UVSSA: variants seen among roughly 807,000 people sequenced by gnomAD.
UVSSA encodes the protein UV-stimulated scaffold protein A.
In UVSSA, 72 loss-of-function variants were observed where a neutral mutation model predicts 73.9. The ratio of observed to expected loss-of-function variants is 0.97; its 90% CI spans 0.81 to 1.19. UVSSA has a LOEUF of 1.19. Among genes scored for constraint, UVSSA ranks in the 50% most tolerant of loss-of-function variants. The pLI, the probability that UVSSA is intolerant of heterozygous loss-of-function variation, is 0.00. For synonymous variants in UVSSA, 454 were observed against 391.3 expected, an observed-to-expected ratio of 1.16 and a Z score of -1.89; for missense variants, 1,150 against 965.0, an observed-to-expected ratio of 1.19 and a Z score of -2.54.
At chr4:1,378,221 G>A (rs535448230) in intron 10 of UVSSA, among the ~76,000 whole-genome samples, 1 of 152,286 alleles carries the variant, frequency 6.6e-6, no homozygotes, top group East Asian at 1.9e-4. Flanking sequence ...GCGGCCACAG[G>A]CAACCACTAG....
intron 10 of UVSSA, among the ~76,000 whole-genome samples, chr4:1,379,565 C>T (rs973053720): frequency 2.6e-5 from 4 of 152,204 alleles, no homozygotes; most frequent in East Asian, 1.9e-4. Context: ...AAGGGCTGAA[C>T]GGCCTTCACT....
chr4:1,352,535 C>G lies in UVSSA; in HGVS notation c.551-495C>G, dbSNP rs560397907. 1.1e-4 allele frequency among the ~76,000 whole-genome samples: 17 copies of G among 152,342 alleles called. 1 individual carries two copies. Among genetic ancestry groups the G allele is most frequent in the African/African-American group, 3.6e-4 (15 of 41,584 alleles). ...TGTTGCCCTAGGGAAGAGGTGCAGCCGTGTCCTGGGAAGTGCAGGTGGGCT... is the reference window on the plus strand; with the variant it reads ...TGTTGCCCTAGGGAAGAGGTGCAGCGGTGTCCTGGGAAGTGCAGGTGGGCT... On this transcript the variant is annotated intron_variant, in intron 4 of 13. Coordinates refer to ENST00000389851, the MANE Select transcript of UVSSA (RefSeq NM_020894.4).
chr4:1,384,003 G>A (rs1013193752), intron 13 of UVSSA, 63 bp downstream of exon 13: 3 of 1,512,440 alleles, frequency 2.0e-6, no homozygotes, highest in Non-Finnish European at 2.6e-6. Context: ...TGTTCGAGGG[G>A]GGCCATCTGA....
At chr4:1,345,527 C>T (rs1713595988), upstream of UVSSA, among the ~76,000 whole-genome samples, 1 of 151,850 alleles carries the variant, frequency 6.6e-6, no homozygotes, top group Non-Finnish European at 1.5e-5. Context: ...TGACTGTCAT[C>T]CCAGCTACTC....
intron 3 of UVSSA, among the ~76,000 whole-genome samples, chr4:1,351,323 C>A (rs1218601755): frequency 2.0e-5 from 3 of 151,836 alleles, no homozygotes; most frequent in African/African-American, 7.3e-5. Flanking sequence ...TTCGGCCTCC[C>A]AAAGTGCTGG....
chr4:1,362,545 A>C (rs1198369971), intron 7 of UVSSA, among the ~76,000 whole-genome samples: 1 of 152,176 alleles, frequency 6.6e-6, no homozygotes, highest in Admixed American at 6.5e-5. Context: ...TTTTGTAGAC[A>C]TCTCCAGCCC....
Position 1,385,892 on chromosome 4 carries a change from A to G in UVSSA, c.2061A>G (p.Ala687=). 6.2e-7 allele frequency: 1 copy of G among 1,614,104 alleles called. No individual in the cohort carries two copies. The highest frequency in any genetic ancestry group is 8.5e-7 in the Non-Finnish European group (1 of 1,180,036). The part of the protein sequence containing the change: ...FAKAAVRRVV[A]AMNRMDQKKH... ...GGGCAGCTGTGCGGAGGGTAGTGGC[A>G]GCCATGAACCGGATGGACCAGAAGA... The change falls in exon 14 of 14, where the codon GCA becomes GCG. Residue 687 remains alanine, a synonymous_variant. Transcript: ENST00000389851.
downstream of UVSSA, chr4:1,392,331 A>G (rs1006121844): frequency 1.3e-5 from 2 of 152,238 alleles, no homozygotes; most frequent in Non-Finnish European, 2.9e-5. Context: ...AGAAGAAGAA[A>G]AGATGTACAA....
At position 1,348,116 on chromosome 4, in the gene UVSSA, G is replaced by A. The variant is rs747777373; in HGVS notation, c.25G>A (p.Val9Ile). Reference sequence around the variant, plus strand: ...TATGGATCAGAAACTTTCGAAGTTGGTAGAAGAGCTCACAACTTCAGGAGA... The same window carrying A: ...TATGGATCAGAAACTTTCGAAGTTGATAGAAGAGCTCACAACTTCAGGAGA... Reference protein sequence around the residue: MDQKLSKLVEELTTSGEPR... With the variant: MDQKLSKLIEELTTSGEPR... Residue 9 changes from valine (V) to isoleucine (I), a missense_variant, in exon 2 of 14, where the codon GTA becomes ATA. Transcript: ENST00000389851. 19 of 1,613,710 alleles carry A rather than the reference G, an allele frequency of 1.2e-5. No homozygotes were observed. The highest frequency in any genetic ancestry group is 1.6e-5 in the Non-Finnish European group (19 of 1,179,932).
At chr4:1,361,709 T>C (rs1716661073) in intron 7 of UVSSA, among the ~76,000 whole-genome samples, 1 of 152,236 alleles carries the variant, frequency 6.6e-6, no homozygotes, top group Non-Finnish European at 1.5e-5. Flanking sequence ...AGCATATAAA[T>C]AGCAGATGCA....
At chr4:1,391,039 G>A (rs1394921373), downstream of UVSSA, 2 of 151,976 alleles carry the variant, frequency 1.3e-5, no homozygotes, top group African/African-American at 4.9e-5. Flanking sequence ...GTCAGAGGTT[G>A]GTTTGTAGTG....
intron 8 of UVSSA, among the ~76,000 whole-genome samples, chr4:1,371,158 G>A (rs1553882949): frequency 6.6e-5 from 10 of 152,186 alleles, no homozygotes; most frequent in South Asian, 2.1e-4. Context: ...GTGTGTGGAC[G>A]TGTATGTGTG....
chr4:1,366,339 C>T lies in UVSSA; in HGVS notation c.1196C>T (p.Ala399Val), dbSNP rs760458944. 2.9e-5 allele frequency: 46 copies of T among 1,611,406 alleles called. 1 individual carries two copies. The highest frequency in any genetic ancestry group is 2.3e-4 in the Admixed American group (14 of 59,744). ...CCACAGACAGAAGCCCTGGGGGATG[C>T]GGAGGAAGATGAGGACGATGAGGAC... is the stretch of plus-strand genomic sequence containing the variant. ...ERRRTEALGD[A>V]EEDEDDEDFV... The change falls in exon 8 of 14, where the codon GCG (alanine) becomes GTG (valine). Residue 399 changes from alanine (A) to valine (V), a missense_variant. Coordinates refer to ENST00000389851, the MANE Select transcript of UVSSA (RefSeq NM_020894.4).
chr4:1,359,106 A>T (rs1364161926), intron 7 of UVSSA: 1 of 152,248 alleles, frequency 6.6e-6, no homozygotes, highest in Non-Finnish European at 1.5e-5. Flanking sequence ...TTTGACGCAG[A>T]TGTTCTGTCT....
At chr4:1,360,127 A>G (rs1382446239) in intron 7 of UVSSA, among the ~76,000 whole-genome samples, 1 of 152,182 alleles carries the variant, frequency 6.6e-6, no homozygotes, top group African/African-American at 2.4e-5. Context: ...CCCCTCCATC[A>G]CGCCGAAGGC....
chr4:1,343,464 T>C (rs559974153), upstream of UVSSA, among the ~76,000 whole-genome samples: 2 of 151,932 alleles, frequency 1.3e-5, no homozygotes, highest in African/African-American at 2.4e-5. Context: ...CAAGGACTTA[T>C]AAATCATAAC....
Position 1,355,305 on chromosome 4 carries a change from C to T in UVSSA, c.1176+60C>T, listed in dbSNP as rs1389662557. ...AGAGGCCTCAGTGGGGGAGGAGAAG[C>T]TGTGGGGGGGTTGTGCCCTGGGCCT... On this transcript the variant is annotated intron_variant, in intron 7 of 13. Coordinates refer to ENST00000389851, the MANE Select transcript of UVSSA (RefSeq NM_020894.4). The T allele has an allele frequency of 6.8e-6, 10 of 1,475,886 alleles. No individual in the cohort carries two copies. In the African/African-American group the frequency reaches 7.0e-5, roughly 10 times the overall value. The allele number at this position is 1,475,886 out of a possible 1,614,324, so 91.4% of individuals were successfully genotyped here. A position where few individuals can be genotyped will look rare whatever the true frequency, so the allele number is the denominator to read the frequency against.
In UVSSA at chr4:1,385,531, G is replaced by A. The variant is rs375960597; in HGVS notation, c.2037-337G>A. 132 of 325,654 alleles carry A rather than the reference G, an allele frequency of 4.1e-4. 1 individual carries two copies. The highest frequency in any genetic ancestry group is 2.6e-3 in the Admixed American group (62 of 23,606). The allele number at this position is 325,654 out of a possible 1,614,324, so 20.2% of individuals were successfully genotyped here. On this transcript the variant is annotated intron_variant, in intron 13 of 13. Coordinates refer to ENST00000389851, the MANE Select transcript of UVSSA (RefSeq NM_020894.4). ...TGCATCTCCTGCGAGGCCGCTCCCCGGGAGGCCAAGGGGGAGGCTGCCCTC... is the reference window on the plus strand; with the variant it reads ...TGCATCTCCTGCGAGGCCGCTCCCCAGGAGGCCAAGGGGGAGGCTGCCCTC...
intron 8 of UVSSA, among the ~76,000 whole-genome samples, chr4:1,372,329 C>G (rs1466855913): frequency 2.0e-5 from 3 of 150,990 alleles, no homozygotes; most frequent in African/African-American, 7.4e-5. Context: ...GGCGGCCTGT[C>G]ACGCGTCCAT....
Sources: gnomAD v4.1 joint callset for allele counts (sites outside exome capture counted in the v4.1 genomes callset) on GRCh38, gnomAD v4.1.1 for gene constraint, MANE v1.5 for transcripts, NCBI Gene and HGNC (gene_info 2026-07-23, HGNC 2026-07-21) for gene names.